The following BLID variants were observed in gnomAD, a reference collection of about 807,000 sequenced individuals.
BLID encodes the protein BH3-like motif-containing cell death inducer.
For missense variants in BLID, 136 were observed against 127.9 expected, an observed-to-expected ratio of 1.06 and a Z score of -0.31; for synonymous variants, 47 against 49.6, an observed-to-expected ratio of 0.95 and a Z score of 0.22.
chr11:122,115,903 A>G lies in BLID; in HGVS notation c.20T>C (p.Ile7Thr), dbSNP rs200941988. The G allele has an allele frequency of 1.9e-6, 3 of 1,592,542 alleles. No individual in the cohort carries two copies. Among genetic ancestry groups the G allele is most frequent in the Non-Finnish European group, 1.7e-6 (2 of 1,164,440 alleles). The change falls in exon 1 of 1, where the codon ATA becomes ACA. Residue 7 changes from isoleucine (I) to threonine (T), a missense_variant. Ile to Thr is a moderately conservative substitution (Grantham distance 89). Coordinates refer to ENST00000560104, the MANE Select transcript of BLID (RefSeq NM_001001786.3). Reference protein sequence around the residue: MVTLLPIEGQEIHFFEI... With the variant: MVTLLPTEGQEIHFFEI... ...AAAGAAATGTATTTCCTGGCCCTCT[A>G]TAGGCAACAAAGTCACCATAATTTG...
chr11:122,115,702 G>C lies in BLID; in HGVS notation c.221C>G (p.Ser74Cys). The C allele has an allele frequency of 6.2e-7, 1 of 1,614,146 alleles. No individual in the cohort carries two copies. Residue 74 changes from serine to cysteine, a missense_variant, in exon 1 of 1, where the codon TCC (serine) becomes TGC (cysteine). Ser to Cys is a moderately radical substitution (Grantham distance 112, BLOSUM62 -1). Coordinates refer to ENST00000560104, the MANE Select transcript of BLID (RefSeq NM_001001786.3). ...VLSLKRYNLG[S>C]SAMKRNVPGH... ...AGGAACATTCCGCTTCATGGCAGAGGAGCCAAGATTGTACCTTTTAAGAGA... is the reference window on the plus strand; with the variant it reads ...AGGAACATTCCGCTTCATGGCAGAGCAGCCAAGATTGTACCTTTTAAGAGA...
Position 122,115,823 on chromosome 11 carries a change from C to G in BLID, c.100G>C (p.Gly34Arg), listed in dbSNP as rs1277436681. The G allele has an allele frequency of 1.9e-6, 3 of 1,613,986 alleles. No individual in the cohort carries two copies. In the East Asian group the frequency reaches 6.7e-5, roughly 36 times the overall value. Reference sequence around the variant, plus strand: ...TTTGCCTCTGGATAAATGGAACTGCCAGAGGCTCGCTCTATCCATCCTGTG... The same window carrying G: ...TTTGCCTCTGGATAAATGGAACTGCGAGAGGCTCGCTCTATCCATCCTGTG... Reference protein sequence around the residue: ...LYTGWIERASGSSIYPEAKAR... With the variant: ...LYTGWIERASRSSIYPEAKAR... Residue 34 changes from glycine to arginine, a missense_variant, in exon 1 of 1, where the codon GGC (glycine) becomes CGC (arginine). Physicochemically the swap from Gly to Arg is moderately radical, Grantham distance 125. Coordinates refer to ENST00000560104, the MANE Select transcript of BLID (RefSeq NM_001001786.3).
chr11:122,115,782 C>T lies in BLID; in HGVS notation c.141G>A (p.Leu47=). The T allele has an allele frequency of 6.2e-7, 1 of 1,614,174 alleles. No homozygotes were observed. Among genetic ancestry groups the T allele is most frequent in the Non-Finnish European group, 8.5e-7 (1 of 1,180,008 alleles). Residue 47 remains leucine, a synonymous_variant, in exon 1 of 1, where the codon CTG becomes CTA. Transcript: ENST00000560104. ...IYPEAKARLP[L]EALLGSNKEP... The stretch of plus-strand genomic sequence containing the variant: ...CTTTGTTGGAACCCAAGAGCGCCTC[C>T]AGTGGCAGGCGTGCTTTTGCCTCTG...
Position 122,115,514 on chromosome 11 carries a change from A to G in BLID, c.*82T>C. On this transcript the variant is annotated 3_prime_UTR_variant, in exon 1 of 1. Coordinates refer to ENST00000560104, the MANE Select transcript of BLID (RefSeq NM_001001786.3). ...TAAGAATTGGGTCTTATTGAAATCAAGTTTCCTTCTGTGTTGTGCAGCCTG... is the reference window on the plus strand; with the variant it reads ...TAAGAATTGGGTCTTATTGAAATCAGGTTTCCTTCTGTGTTGTGCAGCCTG... 1 of 947,842 alleles carries G rather than the reference A, an allele frequency of 1.1e-6. No homozygotes were observed. Among genetic ancestry groups the G allele is most frequent in the East Asian group, 2.4e-5 (1 of 41,354 alleles). The allele number at this position is 947,842 out of a possible 1,614,324, so 58.7% of individuals were successfully genotyped here. A position where few individuals can be genotyped will look rare whatever the true frequency, so the allele number is the denominator to read the frequency against.
In BLID at chr11:122,115,549, C is replaced by T. The variant is rs376140134; in HGVS notation, c.*47G>A. 1.0e-5 allele frequency: 14 copies of T among 1,378,804 alleles called. No homozygotes were observed. Among genetic ancestry groups the T allele is most frequent in the African/African-American group, 1.4e-5 (1 of 69,962 alleles). 85.4% of individuals were successfully genotyped at this position (1,378,804 alleles called of 1,614,324 possible). On this transcript the variant is annotated 3_prime_UTR_variant, in exon 1 of 1. Coordinates refer to ENST00000560104, the MANE Select transcript of BLID (RefSeq NM_001001786.3). The stretch of plus-strand genomic sequence containing the variant: ...TGTGTTGTGCAGCCTGAATAATGGG[C>T]GAAATCTGTCCTAATATCTTGCTGC...
In BLID at chr11:122,115,538, T is replaced by G; in HGVS notation, c.*58A>C. The G allele has an allele frequency of 8.0e-7, 1 of 1,248,198 alleles. No homozygotes were observed. The highest frequency in any genetic ancestry group is 1.9e-4 in the Middle Eastern group (1 of 5,252). The allele number at this position is 1,248,198 out of a possible 1,614,324, so 77.3% of individuals were successfully genotyped here. A position where few individuals can be genotyped will look rare whatever the true frequency, so the allele number is the denominator to read the frequency against. On this transcript the variant is annotated 3_prime_UTR_variant, in exon 1 of 1. Coordinates refer to ENST00000560104, the MANE Select transcript of BLID (RefSeq NM_001001786.3). ...AAGTTTCCTTCTGTGTTGTGCAGCC[T>G]GAATAATGGGCGAAATCTGTCCTAA...
rs551586278 is a variant in BLID, at chr11:122,115,482, A to G, written c.*114T>C. The G allele has an allele frequency of 5.7e-5, 40 of 702,832 alleles. No individual in the cohort carries two copies. The highest frequency in any genetic ancestry group is 8.5e-5 in the Non-Finnish European group (36 of 422,294). The allele number at this position is 702,832 out of a possible 1,614,324, so 43.5% of individuals were successfully genotyped here. ...AGTTATGGGTAAAAGTGGGTAGAAAAGACTGTTAAGAATTGGGTCTTATTG... is the reference window on the plus strand; with the variant it reads ...AGTTATGGGTAAAAGTGGGTAGAAAGGACTGTTAAGAATTGGGTCTTATTG... On this transcript the variant is annotated 3_prime_UTR_variant, in exon 1 of 1. Transcript: ENST00000560104.
chr11:122,115,762 T>C lies in BLID; in HGVS notation c.161A>G (p.Asn54Ser), dbSNP rs758875646. ...TTCCTTAGGCAACATAGGTTCTTTG[T>C]TGGAACCCAAGAGCGCCTCCAGTGG... is the stretch of plus-strand genomic sequence containing the variant. The part of the protein sequence containing the change: ...RLPLEALLGS[N>S]KEPMLPKETV... Residue 54 changes from asparagine to serine, a missense_variant, in exon 1 of 1, where the codon AAC becomes AGC. By Grantham distance (46) the Asn-to-Ser change is conservative. Transcript: ENST00000560104. The C allele has an allele frequency of 4.3e-6, 7 of 1,614,076 alleles. No individual in the cohort carries two copies. The East Asian group carries it at 8.9e-5, about 21-fold the overall frequency.
Position 122,115,536 on chromosome 11 carries a change from C to T in BLID, c.*60G>A, listed in dbSNP as rs1941182181. 8.4e-7 allele frequency: 1 copy of T among 1,195,122 alleles called. No homozygotes were observed. Among genetic ancestry groups the T allele is most frequent in the Non-Finnish European group, 1.2e-6 (1 of 815,158 alleles). 74.0% of individuals were successfully genotyped at this position (1,195,122 alleles called of 1,614,324 possible). ...TCAAGTTTCCTTCTGTGTTGTGCAG[C>T]CTGAATAATGGGCGAAATCTGTCCT... On this transcript the variant is annotated 3_prime_UTR_variant, in exon 1 of 1. Transcript: ENST00000560104.
rs749390802 is a variant in BLID, at chr11:122,115,881, G to T, written c.42C>A (p.Phe14Leu). 2 of 1,602,232 alleles carry T rather than the reference G, an allele frequency of 1.2e-6. No homozygotes were observed. Among genetic ancestry groups the T allele is most frequent in the East Asian group, 4.5e-5 (2 of 44,518 alleles). The stretch of plus-strand genomic sequence containing the variant: ...CACACTCAGATTCTAGGATCTCAAA[G>T]AAATGTATTTCCTGGCCCTCTATAG... ...LLPIEGQEIH[F>L]FEILESECVL... Residue 14 changes from phenylalanine (F) to leucine (L), a missense_variant, in exon 1 of 1, where the codon TTC becomes TTA. Physicochemically the swap from Phe to Leu is conservative, Grantham distance 22. Coordinates refer to ENST00000560104, the MANE Select transcript of BLID (RefSeq NM_001001786.3).
chr11:122,115,703 A>T lies in BLID; in HGVS notation c.220T>A (p.Ser74Thr). 6.2e-7 allele frequency: 1 copy of T among 1,614,112 alleles called. No individual in the cohort carries two copies. Among genetic ancestry groups the T allele is most frequent in the Non-Finnish European group, 8.5e-7 (1 of 1,179,952 alleles). Residue 74 changes from serine (S) to threonine (T), a missense_variant, in exon 1 of 1, where the codon TCC becomes ACC. Coordinates refer to ENST00000560104, the MANE Select transcript of BLID (RefSeq NM_001001786.3). ...VLSLKRYNLG[S>T]SAMKRNVPGH... Reference sequence around the variant, plus strand: ...GGAACATTCCGCTTCATGGCAGAGGAGCCAAGATTGTACCTTTTAAGAGAA... The same window carrying T: ...GGAACATTCCGCTTCATGGCAGAGGTGCCAAGATTGTACCTTTTAAGAGAA...
In BLID at chr11:122,115,900, T is replaced by A. The variant is rs776262289; in HGVS notation, c.23A>T (p.Glu8Val). 1 of 1,592,052 alleles carries A rather than the reference T, an allele frequency of 6.3e-7. No homozygotes were observed. The highest frequency in any genetic ancestry group is 1.1e-5 in the South Asian group (1 of 89,586). The change falls in exon 1 of 1, where the codon GAG becomes GTG. Residue 8 changes from glutamate (E) to valine (V), a missense_variant. Glu to Val is a moderately radical substitution (Grantham distance 121). Coordinates refer to ENST00000560104, the MANE Select transcript of BLID (RefSeq NM_001001786.3). MVTLLPI[E>V]GQEIHFFEIL... ...CTCAAAGAAATGTATTTCCTGGCCC[T>A]CTATAGGCAACAAAGTCACCATAAT...
Position 122,115,975 on chromosome 11 carries a change from T to C in BLID, c.-53A>G, listed in dbSNP as rs1298262226. On this transcript the variant is annotated 5_prime_UTR_variant, in exon 1 of 1. Coordinates refer to ENST00000560104, the MANE Select transcript of BLID (RefSeq NM_001001786.3). ...CAAAATTTAACTTCCATTCGCTTTATTCAGCAAGTTTTTATAAGGCAGATC... is the reference window on the plus strand; with the variant it reads ...CAAAATTTAACTTCCATTCGCTTTACTCAGCAAGTTTTTATAAGGCAGATC... 1.4e-6 allele frequency: 2 copies of C among 1,391,442 alleles called. No individual in the cohort carries two copies. Among genetic ancestry groups the C allele is most frequent in the African/African-American group, 1.4e-5 (1 of 69,280 alleles). 86.2% of individuals were successfully genotyped at this position (1,391,442 alleles called of 1,614,324 possible). A position where few individuals can be genotyped will look rare whatever the true frequency, so the allele number is the denominator to read the frequency against.
In BLID at chr11:122,115,506, T is replaced by A. The variant is rs1941180309; in HGVS notation, c.*90A>T. 1 of 901,974 alleles carries A rather than the reference T, an allele frequency of 1.1e-6. No individual in the cohort carries two copies. Among genetic ancestry groups the A allele is most frequent in the African/African-American group, 1.7e-5 (1 of 60,382 alleles). 55.9% of individuals were successfully genotyped at this position (901,974 alleles called of 1,614,324 possible). On this transcript the variant is annotated 3_prime_UTR_variant, in exon 1 of 1. Transcript: ENST00000560104. ...AAGACTGTTAAGAATTGGGTCTTAT[T>A]GAAATCAAGTTTCCTTCTGTGTTGT...
rs764224819 is a variant in BLID, at chr11:122,115,969, G to A, written c.-47C>T. 5.7e-6 allele frequency: 8 copies of A among 1,414,004 alleles called. No homozygotes were observed. Among genetic ancestry groups the A allele is most frequent in the South Asian group, 2.6e-5 (2 of 76,296 alleles). The allele number at this position is 1,414,004 out of a possible 1,614,324, so 87.6% of individuals were successfully genotyped here. ...AAAGTCCAAAATTTAACTTCCATTC[G>A]CTTTATTCAGCAAGTTTTTATAAGG... On this transcript the variant is annotated 5_prime_UTR_variant, in exon 1 of 1. Coordinates refer to ENST00000560104, the MANE Select transcript of BLID (RefSeq NM_001001786.3).
chr11:122,116,087 C>A lies in BLID; in HGVS notation c.-165G>T, dbSNP rs1591358815. On this transcript the variant is annotated 5_prime_UTR_variant, in exon 1 of 1. Transcript: ENST00000560104. ...CTTCCTCCTCTTCCTTTCTTCCCAGCTCCTGCTATTCATGGAATTTCCCTT... is the reference window on the plus strand; with the variant it reads ...CTTCCTCCTCTTCCTTTCTTCCCAGATCCTGCTATTCATGGAATTTCCCTT... The A allele has an allele frequency of 6.8e-6, 4 of 585,256 alleles. No homozygotes were observed. The Admixed American group carries it at 1.3e-4, about 18-fold the overall frequency. 36.3% of individuals were successfully genotyped at this position (585,256 alleles called of 1,614,324 possible).
At position 122,115,546 on chromosome 11, in the gene BLID, G is replaced by A. The variant is rs1941183285; in HGVS notation, c.*50C>T. 1 of 1,328,070 alleles carries A rather than the reference G, an allele frequency of 7.5e-7. No homozygotes were observed. Among genetic ancestry groups the A allele is most frequent in the Non-Finnish European group, 1.1e-6 (1 of 932,922 alleles). 82.3% of individuals were successfully genotyped at this position (1,328,070 alleles called of 1,614,324 possible). On this transcript the variant is annotated 3_prime_UTR_variant, in exon 1 of 1. Coordinates refer to ENST00000560104, the MANE Select transcript of BLID (RefSeq NM_001001786.3). ...TTCTGTGTTGTGCAGCCTGAATAAT[G>A]GGCGAAATCTGTCCTAATATCTTGC...
At position 122,115,887 on chromosome 11, in the gene BLID, T is replaced by C. The variant is rs150871857; in HGVS notation, c.36A>G (p.Ile12Met). 4.5e-5 allele frequency: 72 copies of C among 1,601,590 alleles called. No individual in the cohort carries two copies. In the African/African-American group the frequency reaches 8.7e-4, roughly 19 times the overall value. The change falls in exon 1 of 1, where the codon ATA becomes ATG. Residue 12 changes from isoleucine (I) to methionine (M), a missense_variant. Coordinates refer to ENST00000560104, the MANE Select transcript of BLID (RefSeq NM_001001786.3). ...VTLLPIEGQE[I>M]HFFEILESEC... ...CAGATTCTAGGATCTCAAAGAAATG[T>C]ATTTCCTGGCCCTCTATAGGCAACA...
In BLID at chr11:122,115,774, A is replaced by C. The variant is rs1376384996; in HGVS notation, c.149T>G (p.Leu50Arg). ...CATAGGTTCTTTGTTGGAACCCAAG[A>C]GCGCCTCCAGTGGCAGGCGTGCTTT... Reference protein sequence around the residue: ...EAKARLPLEALLGSNKEPMLP... With the variant: ...EAKARLPLEARLGSNKEPMLP... Residue 50 changes from leucine (L) to arginine (R), a missense_variant, in exon 1 of 1, where the codon CTC becomes CGC. Transcript: ENST00000560104. 6.2e-7 allele frequency: 1 copy of C among 1,614,008 alleles called. No homozygotes were observed. The highest frequency in any genetic ancestry group is 8.5e-7 in the Non-Finnish European group (1 of 1,180,000).
Sources: gnomAD v4.1 joint callset for allele counts on GRCh38, gnomAD v4.1.1 for gene constraint, MANE v1.5 for transcripts, NCBI Gene and HGNC (gene_info 2026-07-23, HGNC 2026-07-21) for gene names.